Variants in ANKRD28 observed in about 807,000 individuals in gnomAD.
ANKRD28 encodes the protein ankyrin repeat domain 28.
In ANKRD28, 44 loss-of-function variants were observed where a neutral mutation model predicts 126.5. The observed-to-expected ratio is 0.35, with a 90% CI of 0.27 to 0.45. The LOEUF (loss-of-function observed/expected upper bound fraction) is 0.45. Ranked by LOEUF, ANKRD28 falls within the 20% of genes least tolerant of loss-of-function variation. The pLI is 1.00. For synonymous variants in ANKRD28, 442 were observed against 468.5 expected, an observed-to-expected ratio of 0.94 and a Z score of 0.73; for missense variants, 1,110 against 1,316.6, an observed-to-expected ratio of 0.84 and a Z score of 2.43.
intron 2 of ANKRD28, among the ~76,000 whole-genome samples, chr3:15,782,715 C>CCGAACCATCAGAACTCAACAAGTTT (rs2059592821): frequency 1.3e-5 from 2 of 152,034 alleles, no homozygotes; most frequent in African/African-American, 4.8e-5. Flanking sequence ...GTGATCTGTG[C>CCGAACCATCAGAACTCAACAAGTTT]CGAACCATCA....
Position 15,833,936 on chromosome 3 carries a change from T to C in ANKRD28, c.27+25441A>G, listed in dbSNP as rs1489622208. Among the ~76,000 whole-genome samples the C allele has an allele frequency of 6.6e-6, 1 of 152,168 alleles. No homozygotes were observed. Among genetic ancestry groups the C allele is most frequent in the Non-Finnish European group, 1.5e-5 (1 of 68,026 alleles). ...TGTTATTTGCCCATTTTTTAATGTT[T>C]GTTTTTTTCTTAAGTTCCTTGTAGA... is the stretch of plus-strand genomic sequence containing the variant. On this transcript the variant is annotated intron_variant, in intron 1 of 27. Coordinates refer to the ANKRD28 transcript ENST00000399451. This position sits in a 1 kb window ranked among gnomAD's most constrained non-coding sequence, Gnocchi z 4.4.
rs191581689 is a variant in ANKRD28 at position 15,838,951 on chromosome 3, T to C, written c.27+20426A>G. Among the ~76,000 whole-genome samples, 23 of 152,168 alleles carry C rather than the reference T, an allele frequency of 1.5e-4. No individual in the cohort carries two copies. The highest frequency in any genetic ancestry group is 3.9e-4 in the Admixed American group (6 of 15,276). On this transcript the variant is annotated intron_variant, in intron 1 of 27. Coordinates refer to the ANKRD28 transcript ENST00000399451. This position sits in a 1 kb window ranked among gnomAD's most constrained non-coding sequence, Gnocchi z 4.0. ...GCAACGAAGAACCAATTAATACATG[T>C]TACAACATGAATGAACCTCAACAAC...
intron 1 of ANKRD28, among the ~76,000 whole-genome samples, chr3:15,841,657 A>G (rs994464266): frequency 6.6e-6 from 1 of 152,232 alleles, no homozygotes; most frequent in African/African-American, 2.4e-5. Flanking sequence ...GAAAACATGT[A>G]AATGGCAAAC....
chr3:15,859,572 C>CCCGGCCG (rs1442781475), exon 1 of ANKRD28: 4 of 321,076 alleles, frequency 1.2e-5, no homozygotes, highest in Admixed American at 6.2e-5. Flanking sequence ...GCGCCGCCTC[C>CCCGGCCG]CCGGCCGCCC....
At chr3:15,725,939 A>T (rs954134150) in intron 6 of ANKRD28, among the ~76,000 whole-genome samples, 7 of 152,170 alleles carry the variant, frequency 4.6e-5, no homozygotes, top group African/African-American at 1.7e-4. Flanking sequence ...GCTACTCGGG[A>T]GGCTGAGGCC....
At chr3:15,753,234 C>T (rs2057965574) in intron 3 of ANKRD28, among the ~76,000 whole-genome samples, 1 of 152,156 alleles carries the variant, frequency 6.6e-6, no homozygotes, top group African/African-American at 2.4e-5. Context: ...CAACTATCTG[C>T]CAGGCACTGT....
chr3:15,764,097 C>T (rs2125529514), intron 3 of ANKRD28, among the ~76,000 whole-genome samples: 1 of 152,266 alleles, frequency 6.6e-6, no homozygotes, highest in Non-Finnish European at 1.5e-5. Context: ...TGGTGCCACA[C>T]ACCTGCAGTC....
At chr3:15,859,199 G>A (rs2061848436) in intron 1 of ANKRD28, among the ~76,000 whole-genome samples, 1 of 152,202 alleles carries the variant, frequency 6.6e-6, no homozygotes, top group Admixed American at 6.5e-5. Context: ...CGGCAGCTCT[G>A]ACAGGCGGGT....
At chr3:15,827,679 G>A (rs1251641077) in intron 1 of ANKRD28, among the ~76,000 whole-genome samples, 1 of 152,120 alleles carries the variant, frequency 6.6e-6, no homozygotes, top group South Asian at 2.1e-4. Context: ...CATTGGATTT[G>A]GCAGTGATTC....
At chr3:15,699,827 T>G (rs963413992) in intron 14 of ANKRD28, among the ~76,000 whole-genome samples, 2 of 152,186 alleles carry the variant, frequency 1.3e-5, no homozygotes. Context: ...GACAGTGTGG[T>G]GATTCCTCAA....
In ANKRD28 at chr3:15,796,623, T is replaced by G; in HGVS notation, c.-102A>C. On this transcript the variant is annotated 5_prime_UTR_variant, in exon 1 of 28. Coordinates refer to ENST00000683139, the MANE Select transcript of ANKRD28 (RefSeq NM_001349278.2). ...TCTTCTGTACAACACTTACAAACATTCTCTGAACAGCACAGCTGGGTTTTT... is the reference window on the plus strand; with the variant it reads ...TCTTCTGTACAACACTTACAAACATGCTCTGAACAGCACAGCTGGGTTTTT... 9.3e-7 allele frequency: 1 copy of G among 1,073,702 alleles called. No individual in the cohort carries two copies. Among genetic ancestry groups the G allele is most frequent in the Admixed American group, 5.0e-5 (1 of 20,056 alleles). The allele number at this position is 1,073,702 out of a possible 1,614,324, so 66.5% of individuals were successfully genotyped here.
chr3:15,702,305 G>C (rs1049106184), intron 14 of ANKRD28, among the ~76,000 whole-genome samples: 32 of 152,140 alleles, frequency 2.1e-4, no homozygotes, highest in African/African-American at 7.2e-4. Context: ...ATAAAATACT[G>C]AATCACAAAA....
chr3:15,768,003 C>T (rs549085884), intron 2 of ANKRD28, among the ~76,000 whole-genome samples: 1 of 152,218 alleles, frequency 6.6e-6, no homozygotes, highest in South Asian at 2.1e-4. Flanking sequence ...CCCCTTTGAC[C>T]ATGGAAATGC....
chr3:15,698,456 G>A (rs1310047082), intron 14 of ANKRD28, among the ~76,000 whole-genome samples: 1 of 152,186 alleles, frequency 6.6e-6, no homozygotes, highest in African/African-American at 2.4e-5. Flanking sequence ...AATTGTCTCT[G>A]TTTGCAGATG....
intron 4 of ANKRD28, among the ~76,000 whole-genome samples, chr3:15,747,564 A>G (rs2320327): frequency 0.041 from 6,228 of 152,012 alleles, 413 homozygotes; most frequent in African/African-American, 0.14. Flanking sequence ...AGAGTACTTG[A>G]TATAATTTAG....
intron 2 of ANKRD28, among the ~76,000 whole-genome samples, chr3:15,778,570 C>T (rs1452413553): frequency 6.6e-6 from 1 of 152,202 alleles, no homozygotes; most frequent in East Asian, 1.9e-4. Context: ...CTCCCTCCAT[C>T]TTCAAAGCCA....
chr3:15,722,038 C>T (rs1042707819), intron 7 of ANKRD28, among the ~76,000 whole-genome samples: 1 of 152,152 alleles, frequency 6.6e-6, no homozygotes, highest in Non-Finnish European at 1.5e-5. Context: ...AGACCCTGTG[C>T]CCAGCCTTGT....
chr3:15,671,953 A>G (rs377027027), intron 27 of ANKRD28, among the ~76,000 whole-genome samples: 148 of 152,156 alleles, frequency 9.7e-4, no homozygotes, highest in African/African-American at 3.5e-3. Flanking sequence ...CATATCTGGC[A>G]TTTTTGTGTA....
intron 3 of ANKRD28, among the ~76,000 whole-genome samples, chr3:15,757,518 C>T (rs1184732835): frequency 6.6e-6 from 1 of 152,138 alleles, no homozygotes; most frequent in African/African-American, 2.4e-5. Context: ...AATCCCAACC[C>T]CAATGTCATG....
Sources: allele counts gnomAD v4.1 joint callset (sites outside exome capture counted in the v4.1 genomes callset), GRCh38; gene constraint gnomAD v4.1.1; non-coding constraint Gnocchi (gnomAD v3.1); transcripts MANE v1.5; gene names NCBI Gene and HGNC (gene_info 2026-07-23, HGNC 2026-07-21).